NLGN4X: variants seen among roughly 807,000 people sequenced by gnomAD.
The protein encoded by NLGN4X is neuroligin-4, X-linked.
NLGN4X carries 3 observed loss-of-function variants against 40.3 expected under a neutral mutation model. The ratio of observed to expected loss-of-function variants is 0.07; its 90% CI spans 0.03 to 0.19. NLGN4X has a LOEUF of 0.19. NLGN4X is among the 10% of genes least tolerant of loss of function. The probability of loss-of-function intolerance (pLI) is 1.00; values close to 1 mark genes in which losing one functional copy is unlikely to be tolerated. For synonymous variants in NLGN4X, 270 were observed against 306.8 expected (o/e 0.88, Z 1.25); for missense variants, 382 against 708.3 (o/e 0.54, Z 5.23).
intron 1 of NLGN4X, among the ~76,000 whole-genome samples, chrX:6,187,215 T>C (rs1440934989): frequency 4.0e-5 from 4 of 100,184 alleles, no homozygotes; most frequent in African/African-American, 1.5e-4. Context: ...GGATTACAGG[T>C]TTGAGCCACC....
At chrX:6,085,096 C>T (rs772210149) in intron 2 of NLGN4X, among the ~76,000 whole-genome samples, 31 of 107,897 alleles carry the variant, frequency 2.9e-4, no homozygotes, top group East Asian at 1.5e-3. Context: ...ACAGGGTGAG[C>T]CCACCACAAG....
chrX:6,129,881 CTTT>C (rs1228153546), intron 2 of NLGN4X, among the ~76,000 whole-genome samples: 1 of 96,972 alleles, frequency 1.0e-5, no homozygotes, highest in Non-Finnish European at 2.1e-5. Context: ...GATACCAAAT[CTTT>C]TTTTTTTTTT....
In NLGN4X at chrX:6,125,657, A is replaced by G. The variant is rs1032929978; in HGVS notation, c.472+25338T>C. On this transcript the variant is annotated intron_variant, in intron 2 of 5. Transcript: ENST00000381095. ...CAAAGAAATGAATAAACTAAAAGCT[A>G]TAAGTAGTAATGAAAGAATCACTAA... Among the ~76,000 whole-genome samples the G allele has an allele frequency of 4.5e-5, 5 of 111,685 alleles. No homozygotes were observed. The South Asian group carries it at 1.8e-3, about 41-fold the overall frequency.
intron 1 of NLGN4X, among the ~76,000 whole-genome samples, chrX:6,169,253 T>C (rs2040557007): frequency 1.8e-5 from 2 of 112,688 alleles, no homozygotes; most frequent in African/African-American, 6.4e-5. Context: ...AGGATAAAAA[T>C]GACTTCTCAA....
At chrX:6,213,281 G>A (rs1924781702) in intron 1 of NLGN4X, among the ~76,000 whole-genome samples, 1 of 111,530 alleles carries the variant, frequency 9.0e-6, no homozygotes, top group South Asian at 3.8e-4. Flanking sequence ...GCTCTAGTTG[G>A]TGGACATTCT....
intron 3 of NLGN4X, among the ~76,000 whole-genome samples, chrX:5,924,206 G>A (rs899238738): frequency 1.8e-5 from 2 of 111,544 alleles, no homozygotes; most frequent in African/African-American, 6.5e-5. Flanking sequence ...GCAATTTGCT[G>A]AATATGGAAT....
intron 3 of NLGN4X, among the ~76,000 whole-genome samples, chrX:6,017,109 G>A (rs917269922): frequency 9.0e-6 from 1 of 111,682 alleles, no homozygotes; most frequent in African/African-American, 3.3e-5. Context: ...GATGTAAGTT[G>A]TTTCAAATAA....
chrX:6,185,160 A>G lies in NLGN4X; in HGVS notation c.-305-33389T>C, dbSNP rs765594340. Among the ~76,000 whole-genome samples the G allele has an allele frequency of 3.6e-5, 4 of 112,377 alleles. 1 individual carries two copies. The South Asian group carries it at 1.5e-3, about 42-fold the overall frequency. ...CTTATTTATATTTTAAACTGTGTAC[A>G]AAGAGGAATAGCACAAAGGTTCATG... On this transcript the variant is annotated intron_variant, in intron 1 of 5. Coordinates refer to ENST00000381095, the MANE Select transcript of NLGN4X (RefSeq NM_181332.3).
At chrX:6,227,496 G>T (rs897434312) in intron 1 of NLGN4X, among the ~76,000 whole-genome samples, 1 of 108,757 alleles carries the variant, frequency 9.2e-6, no homozygotes, top group Non-Finnish European at 1.9e-5. Context: ...TTCCCAGGGC[G>T]GCAGCTGCAA....
chrX:5,907,196 G>A (rs966967032), intron 4 of NLGN4X, among the ~76,000 whole-genome samples: 1 of 112,096 alleles, frequency 8.9e-6, no homozygotes, highest in Non-Finnish European at 1.9e-5. Context: ...TGACTGAGAC[G>A]GCTATTAGGA....
At chrX:6,197,777 T>TA (rs1444134325) in intron 1 of NLGN4X, among the ~76,000 whole-genome samples, 1 of 110,218 alleles carries the variant, frequency 9.1e-6, no homozygotes, top group Non-Finnish European at 1.9e-5. Flanking sequence ...AACTAACAGT[T>TA]ATGGGGCCGG....
intron 3 of NLGN4X, among the ~76,000 whole-genome samples, chrX:5,918,587 C>T (rs1022323809): frequency 1.8e-5 from 2 of 112,422 alleles, no homozygotes; most frequent in African/African-American, 6.5e-5. Flanking sequence ...AAGCTACACA[C>T]TAAAATTGTC....
chrX:6,034,305 C>A (rs2036946144), intron 2 of NLGN4X, among the ~76,000 whole-genome samples: 1 of 112,252 alleles, frequency 8.9e-6, no homozygotes, highest in African/African-American at 3.2e-5. Context: ...CATACTGTAG[C>A]ATGCATCAAT....
intron 2 of NLGN4X, among the ~76,000 whole-genome samples, chrX:6,101,020 C>G (rs2038896864): frequency 9.0e-6 from 1 of 110,581 alleles, no homozygotes; most frequent in Admixed American, 9.7e-5. Context: ...GTAGGAAAAT[C>G]ATGTCTCCCA....
At chrX:6,099,684 AT>A (rs1036764050) in intron 2 of NLGN4X, among the ~76,000 whole-genome samples, 1 of 112,722 alleles carries the variant, frequency 8.9e-6, no homozygotes, top group Non-Finnish European at 1.9e-5. Context: ...ATCAGCATTA[AT>A]TTATAATTTA....
At chrX:6,219,549 TTTCTTTCTTTC>T (rs1925454733) in intron 1 of NLGN4X, among the ~76,000 whole-genome samples, 2 of 19,560 alleles carry the variant, frequency 1.0e-4, no homozygotes, top group South Asian at 3.0e-3. Context: ...TTCTCTTTTC[TTTCTTTCTTTC>T]TTTCTTTCTT....
At chrX:5,993,513 A>G (rs779617236) in intron 3 of NLGN4X, among the ~76,000 whole-genome samples, 12 of 111,730 alleles carry the variant, frequency 1.1e-4, no homozygotes, top group African/African-American at 3.9e-4. Flanking sequence ...ACAACTGGAA[A>G]TGTCTCCTTA....
At chrX:5,901,877 C>CAAATAA (rs2031892410) in intron 5 of NLGN4X, among the ~76,000 whole-genome samples, 1 of 104,543 alleles carries the variant, frequency 9.6e-6, no homozygotes, top group Non-Finnish European at 1.9e-5. Flanking sequence ...TATATATATA[C>CAAATAA]AAATACAAAT....
At chrX:5,979,843 T>TAC (rs950209398) in intron 3 of NLGN4X, among the ~76,000 whole-genome samples, 1 of 106,109 alleles carries the variant, frequency 9.4e-6, no homozygotes, top group Non-Finnish European at 1.9e-5. Flanking sequence ...CACACATCTA[T>TAC]ACACACACAG....
Sources: gnomAD v4.1 joint callset for allele counts (sites outside exome capture counted in the v4.1 genomes callset) on GRCh38, gnomAD v4.1.1 for gene constraint, MANE v1.5 for transcripts, NCBI Gene and HGNC (gene_info 2026-07-23, HGNC 2026-07-21) for gene names.